The following RBFOX1 variants were observed in gnomAD, a reference collection of about 807,000 sequenced individuals.
RBFOX1 encodes the protein RNA binding fox-1 homolog 1, also known as RNA binding protein fox-1 homolog 1.
Under a neutral mutation model 57.7 loss-of-function variants are expected in RBFOX1, and 8 were observed. The ratio of observed to expected loss-of-function variants is 0.14; its 90% CI spans 0.08 to 0.25. The LOEUF is 0.25. RBFOX1 is among the 10% of genes least tolerant of loss of function. RBFOX1 has a pLI of 1.00. For synonymous variants in RBFOX1, 326 were observed against 222.4 expected (o/e 1.47, Z -4.15); for missense variants, 611 against 548.5 (o/e 1.11, Z -1.14).
intron 3 of RBFOX1, among the ~76,000 whole-genome samples, chr16:6,800,442 C>G (rs916630847): frequency 3.1e-4 from 47 of 152,022 alleles, no homozygotes; most frequent in Non-Finnish European, 6.9e-4. Context: ...GGGGATCTTG[C>G]TAAATGCAAA....
chr16:7,376,946 A>G (rs1258475458), intron 4 of RBFOX1, among the ~76,000 whole-genome samples: 2 of 152,156 alleles, frequency 1.3e-5, no homozygotes, highest in African/African-American at 2.4e-5. Flanking sequence ...GCCTCATACA[A>G]GAGGTAAACA....
intron 3 of RBFOX1, among the ~76,000 whole-genome samples, chr16:5,618,771 G>A (rs568318648): frequency 1.3e-5 from 2 of 152,350 alleles, no homozygotes; most frequent in African/African-American, 4.8e-5. Flanking sequence ...GGTAAATCAG[G>A]TTAGTTTCTG....
At chr16:6,411,085 A>G (rs555771419) in intron 2 of RBFOX1, among the ~76,000 whole-genome samples, 40 of 152,278 alleles carry the variant, frequency 2.6e-4, no homozygotes, top group African/African-American at 9.4e-4. Flanking sequence ...CCTACTCTGA[A>G]AACCAACTGG....
chr16:5,664,414 G>A (rs1278075266), intron 3 of RBFOX1, among the ~76,000 whole-genome samples: 1 of 152,118 alleles, frequency 6.6e-6, no homozygotes, highest in African/African-American at 2.4e-5. Flanking sequence ...TGGGCACGGT[G>A]GTGTGTGCCT....
chr16:6,996,879 A>T (rs1002522799), intron 3 of RBFOX1, among the ~76,000 whole-genome samples: 1 of 152,184 alleles, frequency 6.6e-6, no homozygotes, highest in South Asian at 2.1e-4. Flanking sequence ...ACACATCTGT[A>T]GTCACAGAGT....
chr16:5,972,635 C>T (rs1027420864), intron 4 of RBFOX1, among the ~76,000 whole-genome samples: 3 of 152,136 alleles, frequency 2.0e-5, no homozygotes, highest in East Asian at 1.9e-4. Flanking sequence ...GGTTCAGGCA[C>T]GTAATGGACC....
intron 1 of RBFOX1, among the ~76,000 whole-genome samples, chr16:6,083,721 C>G (rs1171459874): frequency 6.6e-6 from 1 of 152,116 alleles, no homozygotes; most frequent in Non-Finnish European, 1.5e-5. Context: ...ATGCGATCCT[C>G]CTACCTTGGC....
At chr16:5,499,519 C>A (rs923165558) in intron 2 of RBFOX1, among the ~76,000 whole-genome samples, 1 of 152,136 alleles carries the variant, frequency 6.6e-6, no homozygotes, top group South Asian at 2.1e-4. Context: ...CAAATCCACA[C>A]CATTATAATG....
At chr16:6,296,512 C>T (rs2078131092) in intron 1 of RBFOX1, among the ~76,000 whole-genome samples, 2 of 151,816 alleles carry the variant, frequency 1.3e-5, no homozygotes, top group African/African-American at 2.4e-5. Flanking sequence ...GCTCCGCCTC[C>T]CGGGTTCAGG....
chr16:6,973,805 C>T (rs2086141506), intron 3 of RBFOX1, among the ~76,000 whole-genome samples: 1 of 152,058 alleles, frequency 6.6e-6, no homozygotes, highest in Non-Finnish European at 1.5e-5. Context: ...TTCCAGGGTA[C>T]ATGTGCAGGA....
At position 5,322,830 on chromosome 16, in the gene RBFOX1, C is replaced by T. The variant is rs17137821; in HGVS notation, c.219+82725C>T. ...ATTTTGAGAGTTAAATGTTATAATG[C>T]ACTTAGGGCACTTAGCAGAGCAGTA... On this transcript the variant is annotated intron_variant, in intron 1 of 2. Coordinates refer to the RBFOX1 transcript ENST00000585867. Among the ~76,000 whole-genome samples, 1,173 of 152,282 alleles carry T rather than the reference C, an allele frequency of 7.7e-3. 17 individuals carry two copies. The highest frequency in any genetic ancestry group is 0.027 in the African/African-American group (1,116 of 41,544).
intron 2 of RBFOX1, among the ~76,000 whole-genome samples, chr16:6,644,195 G>A (rs1453378508): frequency 6.6e-6 from 1 of 152,136 alleles, no homozygotes; most frequent in Non-Finnish European, 1.5e-5. Context: ...CTCATATTCA[G>A]TGACTTGTCT....
At chr16:6,700,350 G>A (rs2061641662) in intron 3 of RBFOX1, among the ~76,000 whole-genome samples, 1 of 112,930 alleles carries the variant, frequency 8.9e-6, no homozygotes, top group Admixed American at 9.7e-5. Flanking sequence ...CATAGGCAAG[G>A]TTAAAACAAA....
At chr16:5,829,553 C>G (rs574490871) in intron 3 of RBFOX1, among the ~76,000 whole-genome samples, 3 of 152,114 alleles carry the variant, frequency 2.0e-5, no homozygotes, top group Non-Finnish European at 4.4e-5. Context: ...TATGAGGATT[C>G]TGGTGGCCCT....
intron 1 of RBFOX1, among the ~76,000 whole-genome samples, chr16:5,260,313 G>A (rs1263806781): frequency 1.3e-5 from 2 of 152,008 alleles, no homozygotes; most frequent in African/African-American, 2.4e-5. Flanking sequence ...CAAATCTCAC[G>A]ACCCCAAGAA....
rs754497884 is a variant in RBFOX1, at chr16:6,889,457, G to C, written c.-15-162600G>C. Among the ~76,000 whole-genome samples, 4 of 152,216 alleles carry C rather than the reference G, an allele frequency of 2.6e-5. No individual in the cohort carries two copies. In the East Asian group the frequency reaches 7.7e-4, roughly 29 times the overall value. On this transcript the variant is annotated intron_variant, in intron 3 of 15. Coordinates refer to ENST00000550418, the MANE Select transcript of RBFOX1 (RefSeq NM_018723.4). ...AGGAGAACGTGGAACAGATAACTTTGAGAAATGGGCTTTTAGCAAGTGGGA... is the reference window on the plus strand; with the variant it reads ...AGGAGAACGTGGAACAGATAACTTTCAGAAATGGGCTTTTAGCAAGTGGGA...
intron 1 of RBFOX1, among the ~76,000 whole-genome samples, chr16:6,041,616 A>C (rs552123306): frequency 6.6e-6 from 1 of 152,262 alleles, no homozygotes; most frequent in African/African-American, 2.4e-5. Flanking sequence ...CCAGGATGCA[A>C]ACTCAGGTCA....
intron 4 of RBFOX1, among the ~76,000 whole-genome samples, chr16:7,270,066 A>G (rs572882026): frequency 2.6e-5 from 4 of 152,220 alleles, no homozygotes; most frequent in Admixed American, 6.5e-5. Flanking sequence ...TACTGTGGAA[A>G]GTAGATACTA....
At chr16:6,194,156 C>G (rs981593934) in intron 1 of RBFOX1, among the ~76,000 whole-genome samples, 3 of 152,262 alleles carry the variant, frequency 2.0e-5, no homozygotes, top group East Asian at 1.9e-4. Context: ...TGATGGCCCT[C>G]AGGTCCTCAG....
Sources: allele counts gnomAD v4.1 joint callset (sites outside exome capture counted in the v4.1 genomes callset), GRCh38; gene constraint gnomAD v4.1.1; transcripts MANE v1.5; gene names NCBI Gene and HGNC (gene_info 2026-07-23, HGNC 2026-07-21).